PLCB1: variants seen among roughly 807,000 people sequenced by gnomAD.
PLCB1 encodes 1-phosphatidylinositol 4,5-bisphosphate phosphodiesterase beta-1.
In PLCB1, 46 loss-of-function variants were observed where a neutral mutation model predicts 161.8. The ratio of observed to expected loss-of-function variants is 0.28; its 90% confidence interval spans 0.22 to 0.36. The LOEUF (loss-of-function observed/expected upper bound fraction) is 0.36, where lower values mean the gene tolerates loss of function less well. Among genes scored for constraint, PLCB1 ranks in the 10% least tolerant of loss-of-function variants. The pLI is 1.00. For missense variants in PLCB1, 1,016 were observed against 1,472.5 expected (o/e 0.69, Z 5.07); for synonymous variants, 517 against 503.7 (o/e 1.03, Z -0.35).
At chr20:8,754,220 C>T (rs1019889906) in intron 23 of PLCB1, among the ~76,000 whole-genome samples, 9 of 152,156 alleles carry the variant, frequency 5.9e-5, no homozygotes, top group Non-Finnish European at 1.3e-4. Context: ...CCTTGATAAG[C>T]AGAGATTTAT....
chr20:8,835,696 T>A (rs146411460), intron 31 of PLCB1, among the ~76,000 whole-genome samples: 1 of 152,034 alleles, frequency 6.6e-6, no homozygotes, highest in African/African-American at 2.4e-5. Flanking sequence ...TTTTATAAAC[T>A]GCATAATAGA....
intron 23 of PLCB1, among the ~76,000 whole-genome samples, chr20:8,747,699 A>G (rs1981243500): frequency 6.6e-6 from 1 of 152,110 alleles, no homozygotes; most frequent in Admixed American, 6.5e-5. Flanking sequence ...CTGAGTCTAG[A>G]AGGCAGAGGC....
At chr20:8,210,554 C>G (rs1029639309) in intron 2 of PLCB1, among the ~76,000 whole-genome samples, 4 of 152,092 alleles carry the variant, frequency 2.6e-5, no homozygotes, top group African/African-American at 7.2e-5. Flanking sequence ...GGATCATTCT[C>G]TGTATCAGTT....
chr20:8,406,076 G>A (rs1978775907), intron 3 of PLCB1, among the ~76,000 whole-genome samples: 1 of 151,752 alleles, frequency 6.6e-6, no homozygotes, highest in Non-Finnish European at 1.5e-5. Flanking sequence ...TATGTGTGAT[G>A]GAGGATTTGA....
chr20:8,367,290 G>A (rs902762975), intron 2 of PLCB1, among the ~76,000 whole-genome samples: 2 of 152,204 alleles, frequency 1.3e-5, no homozygotes, highest in Non-Finnish European at 2.9e-5. Flanking sequence ...ACATGAGTGA[G>A]TATATAATTA....
intron 2 of PLCB1, among the ~76,000 whole-genome samples, chr20:8,344,688 T>G (rs963349572): frequency 6.6e-6 from 1 of 152,174 alleles, no homozygotes; most frequent in African/African-American, 2.4e-5. Flanking sequence ...AAGCCCACAC[T>G]TGTAGGCCTA....
At position 8,493,722 on chromosome 20, in the gene PLCB1, CTGAA is replaced by C. The variant is rs1568697976; in HGVS notation, c.246+122273_246+122276del. Among the ~76,000 whole-genome samples the C allele has an allele frequency of 6.0e-3, 668 of 111,452 alleles. 15 individuals carry two copies. Among genetic ancestry groups the C allele is most frequent in the Admixed American group, 9.3e-3 (95 of 10,168 alleles). 73.1% of individuals were successfully genotyped at this position (111,452 alleles called of 152,430 possible). A position where few individuals can be genotyped will look rare whatever the true frequency, so the allele number is the denominator to read the frequency against. On this transcript the variant is annotated intron_variant, in intron 3 of 31. Transcript: ENST00000338037. ...CTGTGTGCTATAGCATCACTGGAAG[CTGAA>C]CCTCAGGTAGTAGCCCTTACCTTGG...
At chr20:8,608,133 A>G (rs1568527859) in intron 3 of PLCB1, among the ~76,000 whole-genome samples, 3 of 152,204 alleles carry the variant, frequency 2.0e-5, no homozygotes, top group African/African-American at 4.8e-5. Flanking sequence ...CAAGTTGTGT[A>G]CTTAAAATTA....
intron 3 of PLCB1, among the ~76,000 whole-genome samples, chr20:8,626,082 G>A (rs62198916): frequency 0.14 from 21,406 of 150,876 alleles, 1,715 homozygotes; most frequent in Non-Finnish European, 0.17. Context: ...GGAGGCTGAG[G>A]CAGGAGAATC....
chr20:8,321,655 C>G (rs539202295), intron 2 of PLCB1, among the ~76,000 whole-genome samples: 1 of 152,204 alleles, frequency 6.6e-6, no homozygotes, highest in Non-Finnish European at 1.5e-5. Flanking sequence ...GGGTACAGAT[C>G]AACAACAAAC....
At chr20:8,430,195 T>A (rs1979974438) in intron 3 of PLCB1, among the ~76,000 whole-genome samples, 1 of 151,920 alleles carries the variant, frequency 6.6e-6, no homozygotes, top group Non-Finnish European at 1.5e-5. Context: ...GTGCCCTGAT[T>A]TTGAGTTACA....
chr20:8,508,334 G>A (rs1257069619), intron 3 of PLCB1, among the ~76,000 whole-genome samples: 5 of 152,182 alleles, frequency 3.3e-5, no homozygotes, highest in East Asian at 3.9e-4. Context: ...TTTTGCTGGG[G>A]CTGAACTTCT....
chr20:8,319,863 G>T (rs1310069082), intron 2 of PLCB1, among the ~76,000 whole-genome samples: 1 of 151,478 alleles, frequency 6.6e-6, no homozygotes, highest in African/African-American at 2.4e-5. Flanking sequence ...GGGGGAAGGG[G>T]GAGGGATAGC....
chr20:8,643,424 C>T (rs1254674512), intron 4 of PLCB1, among the ~76,000 whole-genome samples: 1 of 152,108 alleles, frequency 6.6e-6, no homozygotes, highest in Non-Finnish European at 1.5e-5. Context: ...GTTAGCTCAC[C>T]TCTAGTTCTT....
chr20:8,307,425 A>G (rs1055021529), intron 2 of PLCB1, among the ~76,000 whole-genome samples: 14 of 152,240 alleles, frequency 9.2e-5, no homozygotes, highest in African/African-American at 3.4e-4. Context: ...ACAGATTGTC[A>G]ATTGGAATAA....
intron 2 of PLCB1, among the ~76,000 whole-genome samples, chr20:8,301,068 G>A (rs1257204319): frequency 1.3e-5 from 2 of 152,130 alleles, no homozygotes; most frequent in African/African-American, 4.8e-5. Flanking sequence ...ATTACGGAGA[G>A]CCTTGCCTGC....
intron 2 of PLCB1, among the ~76,000 whole-genome samples, chr20:8,254,567 G>GA (rs11476371): frequency 1.1e-4 from 17 of 149,996 alleles, no homozygotes; most frequent in African/African-American, 2.7e-4. Flanking sequence ...GCTTAATCAA[G>GA]AAAAAAAAAG....
intron 3 of PLCB1, among the ~76,000 whole-genome samples, chr20:8,500,222 C>G (rs550349185): frequency 1.7e-4 from 26 of 152,266 alleles, no homozygotes; most frequent in African/African-American, 4.8e-5. Flanking sequence ...AAAGCAGAGT[C>G]TAACAAAGGA....
At chr20:8,754,410 C>T (rs992672855) in intron 23 of PLCB1, among the ~76,000 whole-genome samples, 3 of 147,502 alleles carry the variant, frequency 2.0e-5, no homozygotes, top group South Asian at 2.1e-4. Context: ...AAAAAAAAAG[C>T]CACCATTATT....
Sources: allele counts gnomAD v4.1 joint callset (sites outside exome capture counted in the v4.1 genomes callset), GRCh38; gene constraint gnomAD v4.1.1; transcripts MANE v1.5; gene names NCBI Gene and HGNC (gene_info 2026-07-23, HGNC 2026-07-21).